Variants in NAALADL2 observed in about 807,000 individuals in gnomAD.
The protein encoded by NAALADL2 is inactive N-acetylated-alpha-linked acidic dipeptidase-like protein 2.
Under a neutral mutation model 87.2 loss-of-function variants are expected in NAALADL2, and 76 were observed. The ratio of observed to expected loss-of-function variants is 0.87; its 90% CI spans 0.72 to 1.05. The LOEUF (loss-of-function observed/expected upper bound fraction) is 1.05, where lower values mean the gene tolerates loss of function less well. NAALADL2 is among the 50% of genes least tolerant of loss of function. NAALADL2 has a pLI of 0.00. For missense variants in NAALADL2, 1,089 were observed against 945.8 expected, an observed-to-expected ratio of 1.15 and a Z score of -1.99; for synonymous variants, 354 against 331.0, an observed-to-expected ratio of 1.07 and a Z score of -0.75.
intron 9 of NAALADL2, among the ~76,000 whole-genome samples, chr3:175,554,942 T>A (rs1025891819): frequency 1.3e-5 from 2 of 152,192 alleles, no homozygotes; most frequent in East Asian, 3.8e-4. Flanking sequence ...AGATCTTGGA[T>A]AGCAGCCTGA....
intron 3 of NAALADL2, among the ~76,000 whole-genome samples, chr3:174,787,992 C>T (rs775638252): frequency 2.6e-5 from 4 of 151,876 alleles, no homozygotes; most frequent in South Asian, 2.1e-4. Flanking sequence ...GCTTGTGATA[C>T]GGAGATTAGA....
intron 5 of NAALADL2, among the ~76,000 whole-genome samples, chr3:175,406,148 A>T (rs1470212728): frequency 3.3e-5 from 5 of 152,214 alleles, no homozygotes; most frequent in Non-Finnish European, 1.5e-5. Context: ...AAACCAAGGT[A>T]ATAGCTGCAA....
intron 1 of NAALADL2, among the ~76,000 whole-genome samples, chr3:174,935,149 T>C (rs1737500401): frequency 6.8e-6 from 1 of 146,062 alleles, no homozygotes; most frequent in South Asian, 2.4e-4. Context: ...TTCATATAGA[T>C]GTTGGAAAAT....
chr3:175,188,020 C>T (rs752564101), intron 2 of NAALADL2, among the ~76,000 whole-genome samples: 3 of 152,052 alleles, frequency 2.0e-5, no homozygotes. Context: ...TGCTGTTAGC[C>T]GTTGTGGATT....
upstream of NAALADL2, among the ~76,000 whole-genome samples, chr3:174,858,310 T>C (rs1726085641): frequency 6.6e-6 from 1 of 151,796 alleles, no homozygotes; most frequent in African/African-American, 2.4e-5. Context: ...TTATTCTAGG[T>C]GCCTTATGGG....
intron 8 of NAALADL2, among the ~76,000 whole-genome samples, chr3:175,467,422 G>T (rs1013156579): frequency 6.6e-6 from 1 of 152,084 alleles, no homozygotes. Flanking sequence ...CCCTGATACA[G>T]TCTAACACAC....
chr3:175,439,731 C>CTTTTTTTTTTTT (rs535237866), intron 5 of NAALADL2, among the ~76,000 whole-genome samples: 38 of 113,694 alleles, frequency 3.3e-4, no homozygotes, highest in East Asian at 5.5e-4. Context: ...GTTTTTTTTT[C>CTTTTTTTTTTTT]TTTTTTTTCT....
At chr3:175,434,098 G>T (rs1191077413) in intron 5 of NAALADL2, among the ~76,000 whole-genome samples, 1 of 151,920 alleles carries the variant, frequency 6.6e-6, no homozygotes, top group African/African-American at 2.4e-5. Flanking sequence ...AAACCAGGAA[G>T]GGAATATATT....
intron 3 of NAALADL2, among the ~76,000 whole-genome samples, chr3:174,775,116 T>C (rs1364515603): frequency 6.6e-6 from 1 of 152,154 alleles, no homozygotes; most frequent in African/African-American, 2.4e-5. Context: ...TATATATACA[T>C]ATATATGCTT....
intron 1 of NAALADL2, among the ~76,000 whole-genome samples, chr3:175,078,536 A>G (rs1214521809): frequency 6.6e-6 from 1 of 152,156 alleles, no homozygotes; most frequent in Middle Eastern, 3.2e-3. Context: ...AGAACATTTC[A>G]TCGTACCAAA....
At chr3:175,424,801 G>A (rs1220869862) in intron 5 of NAALADL2, among the ~76,000 whole-genome samples, 1 of 152,062 alleles carries the variant, frequency 6.6e-6, no homozygotes, top group Admixed American at 6.6e-5. Flanking sequence ...TTGCAGAACA[G>A]TGTAGAAAGG....
At chr3:174,520,145 T>A (rs568340665) in intron 1 of NAALADL2, among the ~76,000 whole-genome samples, 10 of 152,146 alleles carry the variant, frequency 6.6e-5, no homozygotes, top group Admixed American at 3.9e-4. Flanking sequence ...CTGCCTAAAG[T>A]AATCTACAGA....
chr3:174,629,264 T>A (rs1382129310), intron 2 of NAALADL2, among the ~76,000 whole-genome samples: 1 of 152,182 alleles, frequency 6.6e-6, no homozygotes, highest in Non-Finnish European at 1.5e-5. Context: ...GAGTCTGTAG[T>A]TGATTAATTC....
At chr3:174,994,563 A>G (rs971728618) in intron 1 of NAALADL2, among the ~76,000 whole-genome samples, 6 of 152,038 alleles carry the variant, frequency 3.9e-5, no homozygotes, top group African/African-American at 1.2e-4. Flanking sequence ...TTAGCATTGT[A>G]TGTCTTGTTG....
intron 3 of NAALADL2, among the ~76,000 whole-genome samples, chr3:174,794,772 C>G (rs1717876207): frequency 6.6e-6 from 1 of 152,016 alleles, no homozygotes; most frequent in Non-Finnish European, 1.5e-5. Context: ...ATATCTGAGT[C>G]TTAGCACTAT....
chr3:175,792,805 T>C (rs1752958026), intron 13 of NAALADL2, among the ~76,000 whole-genome samples: 1 of 152,184 alleles, frequency 6.6e-6, no homozygotes, highest in Non-Finnish European at 1.5e-5. Context: ...ATAAGTTTCT[T>C]TCAGTCTCTC....
chr3:175,074,420 T>A (rs11929608), intron 1 of NAALADL2, among the ~76,000 whole-genome samples: 20,330 of 152,070 alleles, frequency 0.13, 1,647 homozygotes, highest in East Asian at 0.21. Context: ...AAAGTTAAGA[T>A]AATCTAGCAT....
chr3:174,920,266 A>C (rs1734978801), intron 1 of NAALADL2, among the ~76,000 whole-genome samples: 1 of 152,228 alleles, frequency 6.6e-6, no homozygotes, highest in South Asian at 2.1e-4. Flanking sequence ...CCTAGATGTC[A>C]TCTTCTTCCA....
intron 12 of NAALADL2, among the ~76,000 whole-genome samples, chr3:175,752,927 C>G (rs1559973657): frequency 6.6e-6 from 1 of 151,996 alleles, no homozygotes; most frequent in South Asian, 2.1e-4. Flanking sequence ...TTATTGTTTC[C>G]TTGTGCAGAG....
Sources: allele counts gnomAD v4.1 joint callset (sites outside exome capture counted in the v4.1 genomes callset), GRCh38; gene constraint gnomAD v4.1.1; transcripts MANE v1.5; gene names NCBI Gene and HGNC (gene_info 2026-07-23, HGNC 2026-07-21).